Variants in APBA2 observed in about 807,000 individuals in gnomAD.
APBA2 encodes amyloid beta precursor protein binding family A member 2.
Under a neutral mutation model 75.0 loss-of-function variants are expected in APBA2, and 30 were observed. The observed-to-expected ratio is 0.40, with a 90% CI of 0.30 to 0.54. The LOEUF (loss-of-function observed/expected upper bound fraction) is 0.54, where lower values mean the gene tolerates loss of function less well. Ranked by LOEUF, APBA2 falls within the 20% of genes least tolerant of loss-of-function variation. The pLI is 0.49. For missense variants in APBA2, 801 were observed against 1,016.1 expected (o/e 0.79, Z 2.88); for synonymous variants, 444 against 409.6 (o/e 1.08, Z -1.01).
chr15:28,890,735 G>C (rs1218430568), intron 1 of APBA2, among the ~76,000 whole-genome samples: 1 of 152,164 alleles, frequency 6.6e-6, no homozygotes, highest in Non-Finnish European at 1.5e-5. Context: ...TGCAATACAC[G>C]CACGAGGCCT....
At chr15:29,023,958 C>T (rs1415750728) in intron 3 of APBA2, among the ~76,000 whole-genome samples, 14 of 147,552 alleles carry the variant, frequency 9.5e-5, no homozygotes, top group Non-Finnish European at 2.1e-4. Flanking sequence ...GGCTGGAGTA[C>T]AGTGGCATGA....
At chr15:28,888,255 TAA>T (rs1220526522) in intron 1 of APBA2, among the ~76,000 whole-genome samples, 4 of 152,060 alleles carry the variant, frequency 2.6e-5, no homozygotes, top group Admixed American at 2.6e-4. Flanking sequence ...TGGATAAAAA[TAA>T]GAGATAATTG....
intron 2 of APBA2, among the ~76,000 whole-genome samples, chr15:28,960,523 C>T (rs1394435311): frequency 1.3e-5 from 2 of 151,896 alleles, no homozygotes; most frequent in Non-Finnish European, 2.9e-5. Context: ...ATCTGTCTAC[C>T]TTAGAAACCC....
Position 29,007,798 on chromosome 15 carries a change from C to T in APBA2, c.-41+11992C>T, listed in dbSNP as rs184135959. Among the ~76,000 whole-genome samples the T allele has an allele frequency of 9.2e-5, 14 of 152,144 alleles. No homozygotes were observed. The East Asian group carries it at 1.4e-3, about 15-fold the overall frequency. ...AGGTGGGAATGTAAATGGTGCAGCC[C>T]GTCGGAAAACAGTATGACAGTTCCT... is the stretch of plus-strand genomic sequence containing the variant. On this transcript the variant is annotated intron_variant, in intron 3 of 14. Transcript: ENST00000683413.
chr15:29,063,024 A>G (rs1260166367), intron 4 of APBA2, among the ~76,000 whole-genome samples: 3 of 20,954 alleles, frequency 1.4e-4, no homozygotes, highest in Non-Finnish European at 2.8e-4. Context: ...TGGGGAGGGG[A>G]GTTGATCTGG....
chr15:28,899,149 G>A (rs951330615), intron 1 of APBA2, among the ~76,000 whole-genome samples: 1 of 152,250 alleles, frequency 6.6e-6, no homozygotes, highest in Non-Finnish European at 1.5e-5. Flanking sequence ...GCAGCCCCAT[G>A]TCCTCGCAGC....
intron 3 of APBA2, among the ~76,000 whole-genome samples, chr15:29,015,650 A>C (rs2039621253): frequency 6.6e-6 from 1 of 152,272 alleles, no homozygotes; most frequent in Admixed American, 6.5e-5. Context: ...AGTGTTCGTC[A>C]GGCACTTGGG....
At chr15:28,908,795 A>G (rs1177217506) in intron 1 of APBA2, among the ~76,000 whole-genome samples, 3 of 152,206 alleles carry the variant, frequency 2.0e-5, no homozygotes, top group African/African-American at 2.4e-5. Flanking sequence ...ATAACACATA[A>G]CATGACATTT....
intron 3 of APBA2, among the ~76,000 whole-genome samples, chr15:29,036,745 C>A (rs370429836): frequency 6.6e-6 from 1 of 152,178 alleles, no homozygotes; most frequent in South Asian, 2.1e-4. Flanking sequence ...GTAGACCAGG[C>A]ATGGTGGTTC....
intron 3 of APBA2, among the ~76,000 whole-genome samples, chr15:29,033,193 G>A (rs2040568689): frequency 6.6e-6 from 1 of 151,978 alleles, no homozygotes; most frequent in African/African-American, 2.4e-5. Flanking sequence ...TCTCCAGAAG[G>A]ACGATCTGGG....
At chr15:28,944,386 G>A (rs566384589) in intron 2 of APBA2, among the ~76,000 whole-genome samples, 1 of 152,242 alleles carries the variant, frequency 6.6e-6, no homozygotes, top group Admixed American at 6.5e-5. Flanking sequence ...TGTCCATCCG[G>A]TACCCTCTGC....
intron 6 of APBA2, among the ~76,000 whole-genome samples, chr15:29,091,135 C>T (rs61691945): frequency 0.13 from 20,093 of 152,120 alleles, 1,375 homozygotes; most frequent in East Asian, 0.25. Context: ...CCCTGAATCC[C>T]GCAGTCCCCC....
intron 3 of APBA2, among the ~76,000 whole-genome samples, chr15:29,053,287 G>T (rs2041694750): frequency 6.6e-6 from 1 of 151,966 alleles, no homozygotes; most frequent in Admixed American, 6.6e-5. Context: ...TGCTCAGCCT[G>T]GATGGTCCCT....
chr15:29,107,750 C>T (rs189161314), intron 12 of APBA2, among the ~76,000 whole-genome samples: 6 of 152,304 alleles, frequency 3.9e-5, no homozygotes, highest in South Asian at 4.1e-4. Flanking sequence ...CACCGGACCC[C>T]GGCGGCCTGG....
intron 4 of APBA2, among the ~76,000 whole-genome samples, chr15:29,067,726 T>C (rs1436636787): frequency 6.6e-6 from 1 of 152,258 alleles, no homozygotes; most frequent in Non-Finnish European, 1.5e-5. Context: ...ACTGTGTATA[T>C]TCCTAAAAGC....
chr15:29,038,979 T>A (rs1334829438), intron 3 of APBA2, among the ~76,000 whole-genome samples: 1 of 152,092 alleles, frequency 6.6e-6, no homozygotes, highest in Non-Finnish European at 1.5e-5. Context: ...GCGCATGCAT[T>A]TTTTAGAAGG....
intron 4 of APBA2, among the ~76,000 whole-genome samples, chr15:29,074,575 A>C (rs780810347): frequency 6.6e-6 from 1 of 152,170 alleles, no homozygotes; most frequent in Non-Finnish European, 1.5e-5. Flanking sequence ...AGACATTCTG[A>C]AGGTGGATGG....
At chr15:29,025,488 C>T (rs1355975809) in intron 3 of APBA2, among the ~76,000 whole-genome samples, 2 of 74,178 alleles carry the variant, frequency 2.7e-5, no homozygotes, top group Non-Finnish European at 3.9e-5. Context: ...AGGATGGTCT[C>T]GATTCGATCT....
At chr15:28,890,756 G>A (rs923105061) in intron 1 of APBA2, among the ~76,000 whole-genome samples, 3 of 152,184 alleles carry the variant, frequency 2.0e-5, no homozygotes, top group African/African-American at 4.8e-5. Context: ...CTTGCCTGCG[G>A]TTGTTTTGAG....
Sources: allele counts gnomAD v4.1 joint callset (sites outside exome capture counted in the v4.1 genomes callset), GRCh38; gene constraint gnomAD v4.1.1; transcripts MANE v1.5; gene names NCBI Gene and HGNC (gene_info 2026-07-23, HGNC 2026-07-21).